Variants in PARN observed in about 807,000 individuals in gnomAD.
PARN encodes poly(A)-specific ribonuclease PARN.
A neutral mutation model predicts 102.8 loss-of-function variants in PARN; 71 were observed. The observed-to-expected ratio is 0.69, with a 90% CI of 0.57 to 0.84. The LOEUF (loss-of-function observed/expected upper bound fraction) is 0.84. Ranked by LOEUF, PARN falls within the 40% of genes least tolerant of loss-of-function variation. PARN has a pLI of 0.00. For missense variants in PARN, 782 were observed against 760.9 expected, an observed-to-expected ratio of 1.03 and a Z score of -0.33; for synonymous variants, 261 against 252.9, an observed-to-expected ratio of 1.03 and a Z score of -0.30.
intron 13 of PARN, 74 bp from the exon 14 acceptor site, chr16:14,586,435 A>G: frequency 1.2e-6 from 1 of 853,330 alleles, no homozygotes; most frequent in Non-Finnish European, 1.9e-6. Flanking sequence ...TAAACAGCTC[A>G]AGTTCCATAG....
At chr16:14,582,128 T>C (rs1969568106) in intron 17 of PARN, 53 bp downstream of exon 17, 3 of 1,098,096 alleles carry the variant, frequency 2.7e-6, no homozygotes, top group South Asian at 2.5e-5. Flanking sequence ...AGGAGACAGG[T>C]AAGATCCACC....
At chr16:14,484,059 A>C (rs1963527579) in intron 21 of PARN, among the ~76,000 whole-genome samples, 2 of 152,164 alleles carry the variant, frequency 1.3e-5, no homozygotes, top group African/African-American at 4.8e-5. Flanking sequence ...CTCATAACTT[A>C]GCTCCTATGC....
At chr16:14,578,035 A>G (rs1969256196) in intron 18 of PARN, among the ~76,000 whole-genome samples, 1 of 152,056 alleles carries the variant, frequency 6.6e-6, no homozygotes, top group Non-Finnish European at 1.5e-5. Flanking sequence ...CCAATAAATA[A>G]TAATAAAAAC....
At chr16:14,513,792 A>G (rs1463344830) in intron 21 of PARN, among the ~76,000 whole-genome samples, 1 of 152,174 alleles carries the variant, frequency 6.6e-6, no homozygotes, top group Non-Finnish European at 1.5e-5. Flanking sequence ...TCTCTTTCTT[A>G]GAGAAGCCTC....
At chr16:14,626,999 G>T in intron 5 of PARN, 107 bp downstream of exon 5, 1 of 685,230 alleles carries the variant, frequency 1.5e-6, no homozygotes, top group Non-Finnish European at 2.6e-6. Flanking sequence ...AAGGTGAAAT[G>T]ATTTGCCCCA....
chr16:14,459,622 C>T (rs1201410030), intron 22 of PARN, among the ~76,000 whole-genome samples: 4 of 152,146 alleles, frequency 2.6e-5, no homozygotes, highest in African/African-American at 9.7e-5. Context: ...AACACAATTC[C>T]AATCAAAGAG....
chr16:14,579,480 G>C lies in PARN; in HGVS notation c.1262+1394C>G, dbSNP rs557810358. On this transcript the variant is annotated intron_variant, in intron 18 of 23. Coordinates refer to ENST00000437198, the MANE Select transcript of PARN (RefSeq NM_002582.4). Reference sequence around the variant, plus strand: ...GACTACTCAAGAGACTGAGGTGGAAGGGTCACTTGAGCTCAGGAGGTGGAG... The same window carrying C: ...GACTACTCAAGAGACTGAGGTGGAACGGTCACTTGAGCTCAGGAGGTGGAG... Among the ~76,000 whole-genome samples the C allele has an allele frequency of 2.0e-5, 3 of 152,236 alleles. No homozygotes were observed. In the South Asian group the frequency reaches 6.2e-4, roughly 32 times the overall value.
intron 5 of PARN, among the ~76,000 whole-genome samples, chr16:14,620,237 C>T (rs1185555672): frequency 1.3e-5 from 2 of 151,750 alleles, no homozygotes; most frequent in African/African-American, 2.4e-5. Flanking sequence ...ATTAGCCAGG[C>T]GCGGTAGTGG....
intron 6 of PARN, among the ~76,000 whole-genome samples, chr16:14,615,304 A>G (rs758719773): frequency 5.1e-4 from 66 of 129,556 alleles, no homozygotes; most frequent in South Asian, 9.4e-4. Context: ...CTTTTATGGG[A>G]AAAAAAAAAA....
In PARN at chr16:14,506,477, A is replaced by T. The variant is rs570478982; in HGVS notation, c.1481-23650T>A. On this transcript the variant is annotated intron_variant, in intron 21 of 23. Coordinates refer to ENST00000437198, the MANE Select transcript of PARN (RefSeq NM_002582.4). ...ATAAATATATTAGGGCAATATTTTTAAAAAGCCTGTGTTCTTAAGAGAAAT... is the reference window on the plus strand; with the variant it reads ...ATAAATATATTAGGGCAATATTTTTTAAAAGCCTGTGTTCTTAAGAGAAAT... Among the ~76,000 whole-genome samples the T allele has an allele frequency of 1.2e-4, 19 of 152,366 alleles. No homozygotes were observed. The East Asian group carries it at 3.3e-3, about 26-fold the overall frequency.
intron 21 of PARN, among the ~76,000 whole-genome samples, chr16:14,548,806 T>C (rs1486545054): frequency 1.3e-5 from 2 of 152,072 alleles, no homozygotes; most frequent in African/African-American, 2.4e-5. Flanking sequence ...AATACAAAAA[T>C]TAGCCAGTGT....
intron 21 of PARN, among the ~76,000 whole-genome samples, chr16:14,495,308 C>G (rs1964256548): frequency 6.6e-6 from 1 of 151,968 alleles, no homozygotes; most frequent in Non-Finnish European, 1.5e-5. Flanking sequence ...GCAACACATA[C>G]CCCTCAATGT....
intron 21 of PARN, among the ~76,000 whole-genome samples, chr16:14,495,664 G>A (rs970159539): frequency 1.2e-4 from 19 of 152,220 alleles, no homozygotes; most frequent in African/African-American, 4.6e-4. Flanking sequence ...CGAAAAGGAA[G>A]GAAAGATTTG....
In PARN at chr16:14,609,353, CCCAGGAG is replaced by C. The variant is rs573258737; in HGVS notation, c.555-237_555-231del. On this transcript the variant is annotated intron_variant, in intron 7 of 23. Transcript: ENST00000437198. ...GTCGACGTTGGGTGGATCACTTGAG[CCCAGGAG>C]TTCGCGACCAGCCTGGGCAATATAC... Among the ~76,000 whole-genome samples, 156 of 152,218 alleles carry C rather than the reference CCCAGGAG, an allele frequency of 1.0e-3. 1 individual carries two copies. Among genetic ancestry groups the C allele is most frequent in the African/African-American group, 3.4e-3 (143 of 41,532 alleles).
intron 12 of PARN, among the ~76,000 whole-genome samples, chr16:14,598,742 A>C (rs1029242583): frequency 6.6e-6 from 1 of 152,178 alleles, no homozygotes; most frequent in Admixed American, 6.5e-5. Context: ...ACCTCTGTTT[A>C]TCCCGGAATG....
intron 21 of PARN, among the ~76,000 whole-genome samples, chr16:14,531,318 C>T (rs1050208269): frequency 6.6e-6 from 1 of 151,496 alleles, no homozygotes; most frequent in African/African-American, 2.4e-5. Context: ...GGTGAGATCA[C>T]ACCACCGCAC....
At chr16:14,622,982 T>C (rs1330019419) in intron 5 of PARN, among the ~76,000 whole-genome samples, 2 of 151,844 alleles carry the variant, frequency 1.3e-5, no homozygotes, top group African/African-American at 2.4e-5. Flanking sequence ...CATGTGCCTG[T>C]AGTTCCAGCT....
chr16:14,443,444 G>A (rs1485064581), intron 23 of PARN, among the ~76,000 whole-genome samples: 1 of 151,318 alleles, frequency 6.6e-6, no homozygotes, highest in Non-Finnish European at 1.5e-5. Flanking sequence ...TGGTTCAAGC[G>A]ATTCTCCTGC....
At chr16:14,518,291 C>CAA (rs34169116) in intron 21 of PARN, among the ~76,000 whole-genome samples, 483 of 52,126 alleles carry the variant, frequency 9.3e-3, no homozygotes, top group African/African-American at 0.014. Flanking sequence ...GACCCTGTCT[C>CAA]AAAAAAAAAA....
Sources: gnomAD v4.1 joint callset for allele counts (sites outside exome capture counted in the v4.1 genomes callset) on GRCh38, gnomAD v4.1.1 for gene constraint, MANE v1.5 for transcripts, NCBI Gene and HGNC (gene_info 2026-07-23, HGNC 2026-07-21) for gene names.